Variants in TF observed in about 807,000 individuals in gnomAD.
The protein encoded by TF is transferrin.
A neutral mutation model predicts 82.4 loss-of-function variants in TF; 55 were observed. The ratio of observed to expected loss-of-function variants is 0.67; its 90% CI spans 0.54 to 0.84. The LOEUF (loss-of-function observed/expected upper bound fraction) is 0.84, where lower values mean the gene tolerates loss of function less well. Among genes scored for constraint, TF ranks in the 40% least tolerant of loss-of-function variants. The pLI is 0.00. For synonymous variants in TF, 332 were observed against 332.6 expected (o/e 1.00, Z 0.02); for missense variants, 737 against 868.4 (o/e 0.85, Z 1.90).
rs753375811 is a variant in TF at position 133,746,530 on chromosome 3, TTCCCTGCA to T, written c.43+48_43+55del. ...CACCGCAGAGTCGCTGGCCCGCGCGTTCCCTGCAACCCGGGCGGCCACCGCGCAGCCTG... is the reference window on the plus strand; with the variant it reads ...CACCGCAGAGTCGCTGGCCCGCGCGTACCCGGGCGGCCACCGCGCAGCCTG... On this transcript the variant is annotated intron_variant, in intron 1 of 16. Coordinates refer to ENST00000402696, the MANE Select transcript of TF (RefSeq NM_001063.4). The T allele has an allele frequency of 3.1e-4, 488 of 1,554,844 alleles. 1 individual carries two copies. The highest frequency in any genetic ancestry group is 2.4e-4 in the Non-Finnish European group (271 of 1,152,606).
chr3:133,737,229 G>A, the TF span, among the ~76,000 whole-genome samples: 4 of 152,070 alleles, frequency 2.6e-5, no homozygotes, highest in Admixed American at 2.0e-4. Context: ...GGTAAATAAC[G>A]AAATTAAGGC....
intron 2 of TF, 48 bp from the exon 3 acceptor site, chr3:133,753,547 T>C: frequency 6.4e-7 from 1 of 1,560,522 alleles, no homozygotes; most frequent in Non-Finnish European, 8.8e-7. Context: ...GAGGTGGGCC[T>C]TCCTTGGAAG....
chr3:133,746,172 C>T, upstream of TF: 1 of 567,724 alleles, frequency 1.8e-6, no homozygotes, highest in Admixed American at 2.9e-5. Context: ...CTGCATTGTG[C>T]TTCATGTCCC....
intron 12 of TF, 119 bp from the exon 13 acceptor site, chr3:133,767,910 G>A: frequency 1.5e-6 from 2 of 1,326,724 alleles, no homozygotes; most frequent in Non-Finnish European, 2.2e-6. Context: ...GTGGTGGCTG[G>A]TCACAGAATT....
intron 16 of TF, chr3:133,778,274 A>G: frequency 2.8e-6 from 1 of 351,416 alleles, no homozygotes; most frequent in Admixed American, 3.8e-5. Flanking sequence ...GAGGTCAGGG[A>G]GGACAGTCTT....
the TF span, among the ~76,000 whole-genome samples, chr3:133,688,028 G>A: frequency 6.6e-6 from 1 of 152,026 alleles, no homozygotes; most frequent in African/African-American, 2.4e-5. Flanking sequence ...TGAGGGGTGG[G>A]GTAGAATCAA....
At chr3:133,719,205 A>G in the TF span, among the ~76,000 whole-genome samples, 1 of 152,124 alleles carries the variant, frequency 6.6e-6, no homozygotes, top group African/African-American at 2.4e-5. Flanking sequence ...TTCCTGCAAA[A>G]TCACCTTTCA....
the TF span, among the ~76,000 whole-genome samples, chr3:133,698,542 C>A: frequency 1.3e-5 from 2 of 152,160 alleles, no homozygotes; most frequent in African/African-American, 4.8e-5. Flanking sequence ...TGCTGCTGAT[C>A]TTTGGTGTTG....
intron 2 of TF, among the ~76,000 whole-genome samples, chr3:133,749,928 G>A (rs532060986): frequency 1.3e-5 from 2 of 152,128 alleles, no homozygotes; most frequent in South Asian, 4.1e-4. Flanking sequence ...AGGTAGAAAG[G>A]GCTGGTCAGT....
chr3:133,728,700 A>G, the TF span, among the ~76,000 whole-genome samples: 4 of 152,130 alleles, frequency 2.6e-5, no homozygotes, highest in Non-Finnish European at 5.9e-5. Flanking sequence ...CTGGTGAGGA[A>G]CTGCATTCCT....
the TF span, among the ~76,000 whole-genome samples, chr3:133,737,525 T>C: frequency 6.6e-6 from 1 of 151,258 alleles, no homozygotes; most frequent in Non-Finnish European, 1.5e-5. Context: ...AATCAATGAA[T>C]CCAGGAGCTG....
chr3:133,676,986 C>T, the TF span, among the ~76,000 whole-genome samples: 2 of 152,300 alleles, frequency 1.3e-5, no homozygotes, highest in Admixed American at 1.3e-4. Flanking sequence ...TCTAGTCAAA[C>T]AAGAACTATT....
At position 133,756,883 on chromosome 3, in the gene TF, C is replaced by T. The variant is rs771863958; in HGVS notation, c.744C>T (p.Asp248=). ...ACCAGTATGAGCTGCTTTGCCTGGACAACACCCGGAAGCCGGTAGATGAAT... is the reference window on the plus strand; with the variant it reads ...ACCAGTATGAGCTGCTTTGCCTGGATAACACCCGGAAGCCGGTAGATGAAT... The part of the protein sequence containing the change: ...DRDQYELLCL[D]NTRKPVDEYK... The change falls in exon 7 of 17, where the codon GAC becomes GAT. Residue 248 remains aspartate (D), a synonymous_variant. Coordinates refer to ENST00000402696, the MANE Select transcript of TF (RefSeq NM_001063.4). 6.2e-7 allele frequency: 1 copy of T among 1,614,220 alleles called. No individual in the cohort carries two copies. Among genetic ancestry groups the T allele is most frequent in the South Asian group, 1.1e-5 (1 of 91,086 alleles).
At chr3:133,677,509 C>G in the TF span, among the ~76,000 whole-genome samples, 538 of 152,054 alleles carry the variant, frequency 3.5e-3, 4 homozygotes, top group Non-Finnish European at 6.7e-3. Flanking sequence ...TGGTGGTGGG[C>G]GCCTGCGATC....
At chr3:133,751,453 G>A (rs535568231) in intron 2 of TF, among the ~76,000 whole-genome samples, 10 of 151,960 alleles carry the variant, frequency 6.6e-5, no homozygotes, top group South Asian at 2.1e-4. Flanking sequence ...GTATGGTCTC[G>A]ATCTCCTGAC....
intron 7 of TF, 120 bp from the exon 8 acceptor site, chr3:133,757,649 C>T: frequency 2.0e-6 from 2 of 987,980 alleles, no homozygotes; most frequent in Non-Finnish European, 3.1e-6. Flanking sequence ...ACTGCCCTCT[C>T]TCCTGGCATC....
the TF span, among the ~76,000 whole-genome samples, chr3:133,720,729 C>T: frequency 1.1e-4 from 17 of 152,008 alleles, no homozygotes; most frequent in African/African-American, 3.9e-4. Flanking sequence ...GGGTCCTGGG[C>T]TTTTCTTTGA....
the TF span, among the ~76,000 whole-genome samples, chr3:133,738,570 T>C: frequency 7.5e-6 from 1 of 133,720 alleles, no homozygotes; most frequent in African/African-American, 3.0e-5. Flanking sequence ...AACCCCATCG[T>C]CTCAGTCCAA....
In TF at chr3:133,782,848, A is replaced by G. The variant is rs1934549412; in HGVS notation, c.*4228A>G. ...AAAAAACCAAAACAACAACAAACAA[A>G]CAAGCAAACAAAACACACACACACA... On this transcript the variant is annotated 3_prime_UTR_variant, in exon 17 of 17. Coordinates refer to ENST00000402696, the MANE Select transcript of TF (RefSeq NM_001063.4). 6.6e-6 allele frequency: 1 copy of G among 152,100 alleles called. No individual in the cohort carries two copies. The highest frequency in any genetic ancestry group is 1.5e-5 in the Non-Finnish European group (1 of 68,130). 9.4% of individuals were successfully genotyped at this position (152,100 alleles called of 1,614,324 possible).
Sources: gnomAD v4.1 joint callset for allele counts (sites outside exome capture counted in the v4.1 genomes callset) on GRCh38, gnomAD v4.1.1 for gene constraint, MANE v1.5 for transcripts, NCBI Gene and HGNC (gene_info 2026-07-23, HGNC 2026-07-21) for gene names.